ARHGEF10L: variants seen among roughly 807,000 people sequenced by gnomAD.
ARHGEF10L encodes the protein rho guanine nucleotide exchange factor 10-like protein.
In ARHGEF10L, 69 loss-of-function variants were observed where a neutral mutation model predicts 141.2. The ratio of observed to expected loss-of-function variants is 0.49; its 90% CI spans 0.40 to 0.60. ARHGEF10L has a LOEUF of 0.60. Ranked by LOEUF, ARHGEF10L falls within the 20% of genes least tolerant of loss-of-function variation. The probability of loss-of-function intolerance (pLI) is 0.00; values close to 1 mark genes in which losing one functional copy is unlikely to be tolerated. For synonymous variants in ARHGEF10L, 711 were observed against 718.5 expected (o/e 0.99, Z 0.17); for missense variants, 1,482 against 1,734.3 (o/e 0.85, Z 2.58).
chr1:17,624,578 C>A, intron 13 of ARHGEF10L, 75 bp downstream of exon 13: 1 of 1,258,582 alleles, frequency 7.9e-7, no homozygotes, highest in Non-Finnish European at 1.2e-6. Flanking sequence ...AGCATTTTGG[C>A]CCCAGCTTTG....
chr1:17,532,484 TG>T, the ARHGEF10L span, among the ~76,000 whole-genome samples: 2 of 152,156 alleles, frequency 1.3e-5, no homozygotes, highest in Non-Finnish European at 2.9e-5. Flanking sequence ...CTGGGGCCTG[TG>T]GGGTTTGGCC....
chr1:17,585,617 C>T (rs2078962604), intron 2 of ARHGEF10L, among the ~76,000 whole-genome samples: 1 of 152,206 alleles, frequency 6.6e-6, no homozygotes, highest in African/African-American at 2.4e-5. Flanking sequence ...GCTTCCATTG[C>T]AGTCGAGCAG....
intron 26 of ARHGEF10L, among the ~76,000 whole-genome samples, chr1:17,674,390 A>G (rs1160838147): frequency 6.6e-6 from 1 of 152,208 alleles, no homozygotes; most frequent in African/African-American, 2.4e-5. Context: ...ACACCAGCCC[A>G]GTGACAGCAC....
Position 17,679,298 on chromosome 1 carries a change from C to T in ARHGEF10L, c.3010-8275C>T, listed in dbSNP as rs576425194. On this transcript the variant is annotated intron_variant, in intron 26 of 28. Coordinates refer to ENST00000361221, the MANE Select transcript of ARHGEF10L (RefSeq NM_018125.4). ...GGGCAGATCTGCTCCTGGTGCACAA[C>T]CTCTTGGCCTCAACCAGGTCAGACT... 2.6e-5 allele frequency among the ~76,000 whole-genome samples: 4 copies of T among 152,342 alleles called. 1 individual carries two copies. The highest frequency in any genetic ancestry group is 4.4e-5 in the Non-Finnish European group (3 of 68,040).
chr1:17,638,776 C>G, intron 20 of ARHGEF10L, 87 bp downstream of exon 20: 2 of 1,564,780 alleles, frequency 1.3e-6, no homozygotes. Flanking sequence ...ACCTGGAGCC[C>G]TCTTATTTGT....
At chr1:17,648,512 G>A in intron 21 of ARHGEF10L, 42 bp from the exon 22 acceptor site, 4 of 1,607,338 alleles carry the variant, frequency 2.5e-6, no homozygotes, top group Non-Finnish European at 1.7e-6. Flanking sequence ...GTTGGTCCTT[G>A]GACTCTGACC....
chr1:17,678,169 T>A (rs2063843556), intron 26 of ARHGEF10L, among the ~76,000 whole-genome samples: 1 of 152,026 alleles, frequency 6.6e-6, no homozygotes, highest in Non-Finnish European at 1.5e-5. Context: ...AAGGTTGGAG[T>A]AGCTGCCAAG....
chr1:17,609,214 C>G (rs575108373), intron 7 of ARHGEF10L, among the ~76,000 whole-genome samples: 1 of 152,330 alleles, frequency 6.6e-6, no homozygotes, highest in East Asian at 1.9e-4. Context: ...GGGATCCACT[C>G]TGGGAGAGGC....
Position 17,553,663 on chromosome 1 carries a change from C to T in ARHGEF10L, c.-44+13713C>T, listed in dbSNP as rs562914209. 7.9e-5 allele frequency among the ~76,000 whole-genome samples: 12 copies of T among 152,162 alleles called. No individual in the cohort carries two copies. The South Asian group carries it at 2.5e-3, about 32-fold the overall frequency. On this transcript the variant is annotated intron_variant, in intron 1 of 28. Transcript: ENST00000361221. ...AATTAGCCAGGCATGATGGTGGGCA[C>T]CTGTAGTCCCAGCTACTCAGGAGGC...
intron 26 of ARHGEF10L, among the ~76,000 whole-genome samples, chr1:17,687,247 G>A (rs2064683382): frequency 6.6e-6 from 1 of 152,178 alleles, no homozygotes. Context: ...GAGTGAGCGT[G>A]TGCATGTCTT....
rs2060194487 is a variant in ARHGEF10L, at chr1:17,623,072, T to G, written c.1097T>G (p.Val366Gly). 1 of 1,613,940 alleles carries G rather than the reference T, an allele frequency of 6.2e-7. No homozygotes were observed. The highest frequency in any genetic ancestry group is 8.5e-7 in the Non-Finnish European group (1 of 1,179,994). The change falls in exon 12 of 29, where the codon GTG becomes GGG. Residue 366 changes from valine (V) to glycine (G), a missense_variant. Transcript: ENST00000361221. This position sits in a 1 kb window ranked among gnomAD's most constrained non-coding sequence, Gnocchi z 4.7. Reference sequence around the variant, plus strand: ...AAGTGCCAGGTGGTGTTCTTCCGCGTGAAGGAGATCCTGCACTGCCACTCC... The same window carrying G: ...AAGTGCCAGGTGGTGTTCTTCCGCGGGAAGGAGATCCTGCACTGCCACTCC... ...ARKCQVVFFRVKEILHCHSMF... is the reference protein window; with the variant it reads ...ARKCQVVFFRGKEILHCHSMF...
At chr1:17,630,338 C>T (rs1209926059) in intron 15 of ARHGEF10L, among the ~76,000 whole-genome samples, 1 of 152,242 alleles carries the variant, frequency 6.6e-6, no homozygotes, top group Non-Finnish European at 1.5e-5. Context: ...GCCAAGGGGG[C>T]AGCGCTGACT....
At chr1:17,689,947 G>A in intron 27 of ARHGEF10L, 1 of 421,426 alleles carries the variant, frequency 2.4e-6, no homozygotes. Context: ...TGTTTCACAT[G>A]CACCTTCACG....
intron 2 of ARHGEF10L, among the ~76,000 whole-genome samples, 170 bp from the exon 3 acceptor site, chr1:17,587,290 C>G (rs889048487): frequency 2.0e-5 from 3 of 152,322 alleles, no homozygotes; most frequent in Admixed American, 1.3e-4. Context: ...CCCCTCCCCC[C>G]GGCCTTACCA....
At chr1:17,676,973 G>A (rs965251719) in intron 26 of ARHGEF10L, among the ~76,000 whole-genome samples, 2 of 151,450 alleles carry the variant, frequency 1.3e-5, no homozygotes, top group Non-Finnish European at 1.5e-5. Flanking sequence ...CTCCTCCATC[G>A]CACTCTCTGC....
chr1:17,560,546 G>C (rs930058817), intron 1 of ARHGEF10L, among the ~76,000 whole-genome samples: 4 of 152,200 alleles, frequency 2.6e-5, no homozygotes, highest in Non-Finnish European at 5.9e-5. Context: ...GGATTTGGGA[G>C]TAACCACCTG....
intron 28 of ARHGEF10L, 78 bp from the exon 29 acceptor site, chr1:17,696,770 T>G: frequency 7.1e-7 from 1 of 1,413,154 alleles, no homozygotes; most frequent in Non-Finnish European, 9.5e-7. Context: ...CAGAATGTTC[T>G]CCAGGAGAGA....
At chr1:17,539,119 T>C (rs1384870805), upstream of ARHGEF10L, among the ~76,000 whole-genome samples, 2 of 151,632 alleles carry the variant, frequency 1.3e-5, no homozygotes, top group Non-Finnish European at 2.9e-5. This position sits in a 1 kb window ranked among gnomAD's most constrained non-coding sequence, Gnocchi z 6.0. Context: ...GCTACATCAC[T>C]GGGGTGTTGC....
At chr1:17,561,706 A>G (rs2077551878) in intron 1 of ARHGEF10L, among the ~76,000 whole-genome samples, 1 of 152,146 alleles carries the variant, frequency 6.6e-6, no homozygotes, top group Admixed American at 6.5e-5. Context: ...CTATGAAGGA[A>G]TATTCTGGGG....
Sources: gnomAD v4.1 joint callset for allele counts (sites outside exome capture counted in the v4.1 genomes callset) on GRCh38, gnomAD v4.1.1 for gene constraint, Gnocchi (gnomAD v3.1) non-coding constraint, MANE v1.5 for transcripts, NCBI Gene and HGNC (gene_info 2026-07-23, HGNC 2026-07-21) for gene names.